The following SH3GL2 variants were observed in gnomAD, a reference collection of about 807,000 sequenced individuals.
SH3GL2 encodes SH3 domain containing GRB2 like 2, endophilin A1, also known as endophilin-A1.
SH3GL2 carries 24 observed loss-of-function variants against 46.0 expected under a neutral mutation model. That is an observed-to-expected ratio of 0.52 (90% CI 0.38 to 0.73). SH3GL2 has a LOEUF of 0.73. SH3GL2 is among the 30% of genes least tolerant of loss of function. The pLI is 0.00. For missense variants in SH3GL2, 413 were observed against 424.2 expected (o/e 0.97, Z 0.23); for synonymous variants, 196 against 147.1 (o/e 1.33, Z -2.40).
At chr9:17,788,350 ATTTAGTTT>A (rs1255330608) in intron 5 of SH3GL2, among the ~76,000 whole-genome samples, 1 of 152,104 alleles carries the variant, frequency 6.6e-6, no homozygotes, top group Non-Finnish European at 1.5e-5. Context: ...CCAAATGAGC[ATTTAGTTT>A]TTGGATCAGG....
chr9:17,640,297 A>G (rs921603378), intron 1 of SH3GL2, among the ~76,000 whole-genome samples: 1 of 152,106 alleles, frequency 6.6e-6, no homozygotes, highest in Non-Finnish European at 1.5e-5. Context: ...TAAGCATTTT[A>G]TATTCTTATT....
intron 2 of SH3GL2, among the ~76,000 whole-genome samples, chr9:17,750,888 C>G (rs3808681): frequency 6.6e-6 from 1 of 151,936 alleles, no homozygotes; most frequent in African/African-American, 2.4e-5. Context: ...AAAAATTGTA[C>G]GTAAATCAGT....
chr9:17,727,652 G>A (rs1351434706), intron 1 of SH3GL2, among the ~76,000 whole-genome samples: 2 of 152,138 alleles, frequency 1.3e-5, no homozygotes, highest in Non-Finnish European at 1.5e-5. Context: ...GGCAACCACA[G>A]CCACTGGGAA....
intron 1 of SH3GL2, among the ~76,000 whole-genome samples, chr9:17,660,494 T>C (rs1563801687): frequency 6.6e-6 from 1 of 152,230 alleles, no homozygotes; most frequent in Non-Finnish European, 1.5e-5. Flanking sequence ...TATGTTGCAC[T>C]AGGTGTGATA....
chr9:17,610,467 C>T (rs778878720), intron 1 of SH3GL2, among the ~76,000 whole-genome samples: 5 of 152,062 alleles, frequency 3.3e-5, no homozygotes, highest in South Asian at 2.1e-4. Flanking sequence ...AACTGATGTT[C>T]GATTGTTAGG....
intron 1 of SH3GL2, among the ~76,000 whole-genome samples, chr9:17,616,669 C>T (rs904258071): frequency 6.6e-6 from 1 of 152,002 alleles, no homozygotes; most frequent in Non-Finnish European, 1.5e-5. Context: ...AAAGTATTTT[C>T]TCCTGTATAA....
Position 17,698,734 on chromosome 9 carries a change from A to T in SH3GL2, c.46-48332A>T, listed in dbSNP as rs534783304. Among the ~76,000 whole-genome samples, 9 of 152,356 alleles carry T rather than the reference A, an allele frequency of 5.9e-5. No individual in the cohort carries two copies. In the South Asian group the frequency reaches 1.7e-3, roughly 28 times the overall value. Reference sequence around the variant, plus strand: ...GAAGAGGTGGACTAAATTATACCTGAACTCCTCTGTTCTGTGAAGGTCACA... The same window carrying T: ...GAAGAGGTGGACTAAATTATACCTGTACTCCTCTGTTCTGTGAAGGTCACA... On this transcript the variant is annotated intron_variant, in intron 1 of 8. Transcript: ENST00000380607.
At chr9:17,753,977 C>A (rs1006754354) in intron 2 of SH3GL2, among the ~76,000 whole-genome samples, 3 of 152,120 alleles carry the variant, frequency 2.0e-5, no homozygotes, top group Non-Finnish European at 4.4e-5. Context: ...TTGTCAAAGA[C>A]CAGATAACTG....
At chr9:17,697,003 A>G (rs977365314) in intron 1 of SH3GL2, among the ~76,000 whole-genome samples, 1 of 151,798 alleles carries the variant, frequency 6.6e-6, no homozygotes. Flanking sequence ...TTCTGGGAGG[A>G]TGTACTAAGT....
chr9:17,606,587 G>C (rs1443164570), intron 1 of SH3GL2, among the ~76,000 whole-genome samples: 1 of 152,152 alleles, frequency 6.6e-6, no homozygotes, highest in Non-Finnish European at 1.5e-5. Context: ...TATCCATCAT[G>C]AGAGATCTGA....
At chr9:17,760,408 G>T (rs913438101) in intron 2 of SH3GL2, among the ~76,000 whole-genome samples, 1 of 151,774 alleles carries the variant, frequency 6.6e-6, no homozygotes, top group African/African-American at 2.4e-5. Context: ...TTTATGCAAG[G>T]CTGATATTAT....
At chr9:17,630,462 A>T (rs1384756349) in intron 1 of SH3GL2, 3 of 152,216 alleles carry the variant, frequency 2.0e-5, no homozygotes, top group Admixed American at 6.5e-5. Flanking sequence ...ACACACAAAC[A>T]CACACCCTAC....
At chr9:17,739,175 T>C (rs769801193) in intron 1 of SH3GL2, among the ~76,000 whole-genome samples, 1 of 152,104 alleles carries the variant, frequency 6.6e-6, no homozygotes, top group Non-Finnish European at 1.5e-5. Context: ...TAGCCAGAAA[T>C]TTTCTCTTAA....
chr9:17,780,337 A>G (rs1224679602), intron 3 of SH3GL2, among the ~76,000 whole-genome samples: 2 of 151,912 alleles, frequency 1.3e-5, no homozygotes, highest in East Asian at 1.9e-4. Context: ...TCATCTTTCT[A>G]TTTGTCCTAC....
At chr9:17,609,388 G>A (rs930893298) in intron 1 of SH3GL2, among the ~76,000 whole-genome samples, 4 of 151,968 alleles carry the variant, frequency 2.6e-5, no homozygotes, top group African/African-American at 9.7e-5. Flanking sequence ...CATGGTCTCT[G>A]TACCCATAAA....
rs1474176203 is a variant in SH3GL2 at position 17,673,487 on chromosome 9, C to T, written c.46-73579C>T. Among the ~76,000 whole-genome samples, 4 of 152,072 alleles carry T rather than the reference C, an allele frequency of 2.6e-5. No individual in the cohort carries two copies. In the South Asian group the frequency reaches 8.3e-4, roughly 32 times the overall value. On this transcript the variant is annotated intron_variant, in intron 1 of 8. Transcript: ENST00000380607. ...CTCATCTCCCTGTCCCTGATCTTTG[C>T]CTGCTCAAGTCCATCTTCTATACGC... is the stretch of plus-strand genomic sequence containing the variant.
intron 1 of SH3GL2, among the ~76,000 whole-genome samples, chr9:17,619,150 A>G (rs1819072411): frequency 6.6e-6 from 1 of 152,206 alleles, no homozygotes; most frequent in Non-Finnish European, 1.5e-5. Context: ...AAGCCGTGGC[A>G]TAGTAACTTG....
At chr9:17,789,585 T>A in intron 6 of SH3GL2, 35 bp downstream of exon 6, 1 of 1,610,728 alleles carries the variant, frequency 6.2e-7, no homozygotes, top group Non-Finnish European at 8.5e-7. Flanking sequence ...TTTAATCTTA[T>A]CATCGAGGCA....
chr9:17,673,857 C>T (rs1424006362), intron 1 of SH3GL2, among the ~76,000 whole-genome samples: 1 of 152,134 alleles, frequency 6.6e-6, no homozygotes, highest in African/African-American at 2.4e-5. Flanking sequence ...TTCTTTTGCT[C>T]ACCCATCTGC....
Sources: allele counts gnomAD v4.1 joint callset (sites outside exome capture counted in the v4.1 genomes callset), GRCh38; gene constraint gnomAD v4.1.1; transcripts MANE v1.5; gene names NCBI Gene and HGNC (gene_info 2026-07-23, HGNC 2026-07-21).